Variants in FAM117B observed in about 807,000 individuals in gnomAD.
FAM117B encodes the protein family with sequence similarity 117 member B, also known as protein FAM117B.
In FAM117B, 22 loss-of-function variants were observed where a neutral mutation model predicts 52.8. The observed-to-expected ratio is 0.42, with a 90% CI of 0.30 to 0.59. The LOEUF (loss-of-function observed/expected upper bound fraction) is 0.59, where lower values mean the gene tolerates loss of function less well. FAM117B is among the 20% of genes least tolerant of loss of function. The pLI, the probability that FAM117B is intolerant of heterozygous loss-of-function variation, is 0.22. For synonymous variants in FAM117B, 309 were observed against 324.1 expected, an observed-to-expected ratio of 0.95 and a Z score of 0.50; for missense variants, 678 against 802.6, an observed-to-expected ratio of 0.84 and a Z score of 1.88.
intron 2 of FAM117B, among the ~76,000 whole-genome samples, chr2:202,701,510 T>TG (rs1170091974): frequency 6.6e-6 from 1 of 152,224 alleles, no homozygotes; most frequent in Non-Finnish European, 1.5e-5. Context: ...AGGCCATAAC[T>TG]GCCATAGATA....
chr2:202,721,811 T>A (rs1691156776), intron 2 of FAM117B, among the ~76,000 whole-genome samples: 1 of 151,918 alleles, frequency 6.6e-6, no homozygotes, highest in Non-Finnish European at 1.5e-5. Context: ...TTTTTTACAT[T>A]TTTTTAGAGA....
chr2:202,670,905 T>C (rs927664331), intron 1 of FAM117B, among the ~76,000 whole-genome samples: 1 of 152,206 alleles, frequency 6.6e-6, no homozygotes, highest in African/African-American at 2.4e-5. Flanking sequence ...AGTGCTACCA[T>C]GGTGTTTGCA....
At chr2:202,657,057 TG>T (rs1269918287) in intron 1 of FAM117B, among the ~76,000 whole-genome samples, 12 of 149,612 alleles carry the variant, frequency 8.0e-5, no homozygotes, top group Admixed American at 4.0e-4. Context: ...GACAGCGTAT[TG>T]TTGGCTCTTG....
chr2:202,717,444 C>A (rs1691076217), intron 2 of FAM117B, among the ~76,000 whole-genome samples: 1 of 152,070 alleles, frequency 6.6e-6, no homozygotes, highest in South Asian at 2.1e-4. Context: ...TGTACTCCAT[C>A]CTGGGTGACA....
intron 1 of FAM117B, among the ~76,000 whole-genome samples, chr2:202,669,311 T>C (rs1397388385): frequency 6.6e-6 from 1 of 152,128 alleles, no homozygotes; most frequent in Admixed American, 6.6e-5. Context: ...CTTTAAAACA[T>C]AGATATTTTT....
At chr2:202,718,653 A>G (rs1691099598) in intron 2 of FAM117B, among the ~76,000 whole-genome samples, 1 of 152,204 alleles carries the variant, frequency 6.6e-6, no homozygotes, top group South Asian at 2.1e-4. Flanking sequence ...AGGAGTAACT[A>G]ATACATTTTT....
At chr2:202,720,250 G>T (rs1233087508) in intron 2 of FAM117B, among the ~76,000 whole-genome samples, 1 of 151,828 alleles carries the variant, frequency 6.6e-6, no homozygotes, top group Non-Finnish European at 1.5e-5. Flanking sequence ...TTATGGAATT[G>T]TCCTAAATGG....
At chr2:202,765,019 A>G (rs555253393) in intron 7 of FAM117B, among the ~76,000 whole-genome samples, 69 of 152,312 alleles carry the variant, frequency 4.5e-4, no homozygotes, top group Middle Eastern at 3.4e-3. Context: ...CCAGTATACT[A>G]TAGACCTCGG....
intron 1 of FAM117B, among the ~76,000 whole-genome samples, chr2:202,689,810 A>G (rs1690594248): frequency 6.6e-6 from 1 of 151,790 alleles, no homozygotes; most frequent in Non-Finnish European, 1.5e-5. Flanking sequence ...CTCAGCTGCT[A>G]TGGAGGCTGA....
intron 2 of FAM117B, among the ~76,000 whole-genome samples, chr2:202,709,090 C>G (rs960997681): frequency 6.6e-6 from 1 of 152,166 alleles, no homozygotes; most frequent in Admixed American, 6.5e-5. Context: ...TATCTTTCCC[C>G]AATGACTAAT....
chr2:202,649,858 A>G (rs928946880), intron 1 of FAM117B, among the ~76,000 whole-genome samples: 10 of 151,440 alleles, frequency 6.6e-5, no homozygotes, highest in African/African-American at 2.2e-4. Flanking sequence ...CGGCTTATTT[A>G]TTTGTTTGTT....
chr2:202,691,833 G>C (rs1362802595), intron 1 of FAM117B, among the ~76,000 whole-genome samples: 1 of 152,046 alleles, frequency 6.6e-6, no homozygotes, highest in Admixed American at 6.6e-5. Flanking sequence ...TTAATAATGT[G>C]GGTACATATT....
chr2:202,635,668 T>C lies in FAM117B; in HGVS notation c.481T>C (p.Trp161Arg). ...SSPSSSPTHL[W>R]TGEVSAAPPP... ...GCCCAGCTCGTCGCCCACCCACCTG[T>C]GGACCGGCGAGGTGAGCGCGGCCCC... Residue 161 changes from tryptophan to arginine, a missense_variant, in exon 1 of 8, where the codon TGG (tryptophan) becomes CGG (arginine). Physicochemically the swap from Trp to Arg is moderately radical, Grantham distance 101. Around this residue, in one of 3 missense-constraint regions of FAM117B, gnomAD observed 583 missense variants for 644.8 expected, o/e 0.90. Transcript: ENST00000392238. 5.8e-6 allele frequency: 8 copies of C among 1,388,318 alleles called. No individual in the cohort carries two copies. The highest frequency in any genetic ancestry group is 7.5e-6 in the Non-Finnish European group (8 of 1,071,952). The allele number at this position is 1,388,318 out of a possible 1,614,324, so 86.0% of individuals were successfully genotyped here.
At position 202,765,674 on chromosome 2, in the gene FAM117B, G is replaced by A. The variant is rs1691966338; in HGVS notation, c.1680G>A (p.Glu560=). Residue 560 remains glutamate (E), a synonymous_variant, in exon 8 of 8, where the codon GAG becomes GAA. Transcript: ENST00000392238. ...TGGCCTCCCTGTCTACAAACACAGA[G>A]CAAGACCGAGTCTCTCGAGGAACAA... The part of the protein sequence containing the change: ...IAVASLSTNT[E]QDRVSRGTST... The A allele has an allele frequency of 1.2e-6, 2 of 1,613,994 alleles. No individual in the cohort carries two copies. The highest frequency in any genetic ancestry group is 1.1e-5 in the South Asian group (1 of 91,084).
intron 1 of FAM117B, among the ~76,000 whole-genome samples, chr2:202,693,638 T>G (rs1476763314): frequency 1.3e-5 from 2 of 152,300 alleles, no homozygotes; most frequent in South Asian, 2.1e-4. Flanking sequence ...ATCTAATTAC[T>G]TTTTAAAACA....
intron 1 of FAM117B, among the ~76,000 whole-genome samples, chr2:202,672,348 G>T (rs931272678): frequency 6.6e-6 from 1 of 152,090 alleles, no homozygotes; most frequent in Non-Finnish European, 1.5e-5. Flanking sequence ...GAGTCGCTGG[G>T]GTTACAGGCG....
chr2:202,753,582 A>G (rs369448039), intron 4 of FAM117B, among the ~76,000 whole-genome samples: 15 of 152,328 alleles, frequency 9.8e-5, no homozygotes, highest in African/African-American at 3.4e-4. Context: ...CAGGCAACCT[A>G]CAGAATGGGA....
intron 2 of FAM117B, among the ~76,000 whole-genome samples, chr2:202,698,664 C>A (rs1004792261): frequency 5.3e-5 from 8 of 152,088 alleles, no homozygotes; most frequent in Non-Finnish European, 1.2e-4. Context: ...CTCAGGTGAT[C>A]CACCCGCCTT....
At chr2:202,716,867 TA>T (rs1178614338) in intron 2 of FAM117B, among the ~76,000 whole-genome samples, 3 of 152,228 alleles carry the variant, frequency 2.0e-5, no homozygotes, top group Admixed American at 6.5e-5. Flanking sequence ...TGCTTCTTTT[TA>T]ATTATTTCAA....
Sources: allele counts gnomAD v4.1 joint callset (sites outside exome capture counted in the v4.1 genomes callset), GRCh38; gene constraint gnomAD v4.1.1; regional missense constraint gnomAD v4.1.1; transcripts MANE v1.5; gene names NCBI Gene and HGNC (gene_info 2026-07-23, HGNC 2026-07-21).